WDR41: variants seen among roughly 807,000 people sequenced by gnomAD.
WDR41 encodes WD repeat domain 41.
Under a neutral mutation model 69.3 loss-of-function variants are expected in WDR41, and 63 were observed. That is an observed-to-expected ratio of 0.91 (90% CI 0.74 to 1.12). The LOEUF (loss-of-function observed/expected upper bound fraction) is 1.12. Ranked by LOEUF, WDR41 falls within the 50% of genes most tolerant of loss-of-function variation. The pLI is 0.00. For synonymous variants in WDR41, 185 were observed against 192.1 expected (o/e 0.96, Z 0.31); for missense variants, 543 against 534.5 (o/e 1.02, Z -0.16).
At chr5:77,436,122 T>TA in intron 12 of WDR41, 139 bp downstream of exon 12, 1 of 1,134,314 alleles carries the variant, frequency 8.8e-7, no homozygotes, top group Non-Finnish European at 1.2e-6. Flanking sequence ...CTATAGCCTA[T>TA]CCCATTCCAT....
Position 77,437,470 on chromosome 5 carries a change from G to A in WDR41, c.1005-46C>T, listed in dbSNP as rs770289086. The A allele has an allele frequency of 4.0e-6, 6 of 1,506,926 alleles. No individual in the cohort carries two copies. The East Asian group carries it at 9.0e-5, about 23-fold the overall frequency. The allele number at this position is 1,506,926 out of a possible 1,614,324, so 93.3% of individuals were successfully genotyped here. A position where few individuals can be genotyped will look rare whatever the true frequency, so the allele number is the denominator to read the frequency against. On this transcript the variant is annotated intron_variant, in intron 10 of 12. Transcript: ENST00000296679. ...TAATACAAAAAGAGCGCACCACTGA[G>A]GGCCAATGCTAAATTTGCAGTGAAA...
At chr5:77,435,454 CTG>C (rs1196548242) in intron 12 of WDR41, among the ~76,000 whole-genome samples, 1 of 152,202 alleles carries the variant, frequency 6.6e-6, no homozygotes, top group Non-Finnish European at 1.5e-5. Flanking sequence ...TCATCTCTCT[CTG>C]TAAACTCCAG....
At chr5:77,581,614 C>A (rs1327835632) in intron 1 of WDR41, among the ~76,000 whole-genome samples, 3 of 152,122 alleles carry the variant, frequency 2.0e-5, no homozygotes, top group Admixed American at 2.0e-4. Flanking sequence ...CAAAATGAAT[C>A]TCAGTAAATT....
chr5:77,474,293 G>T (rs1160703707), intron 2 of WDR41, among the ~76,000 whole-genome samples: 2 of 152,054 alleles, frequency 1.3e-5, no homozygotes, highest in Non-Finnish European at 2.9e-5. Context: ...TGTGGGGTGG[G>T]GGGAGTGGGG....
chr5:77,610,254 T>C (rs1744520097), intron 1 of WDR41, among the ~76,000 whole-genome samples: 1 of 152,120 alleles, frequency 6.6e-6, no homozygotes, highest in Non-Finnish European at 1.5e-5. Flanking sequence ...CAGGAGAACT[T>C]CCCCAATCTA....
intron 1 of WDR41, among the ~76,000 whole-genome samples, chr5:77,612,251 C>T (rs1301393994): frequency 1.3e-5 from 2 of 152,150 alleles, no homozygotes; most frequent in African/African-American, 4.8e-5. Context: ...GAAACTATTC[C>T]AATCAATAGA....
intron 1 of WDR41, among the ~76,000 whole-genome samples, chr5:77,498,862 T>G (rs140651453): frequency 2.0e-5 from 3 of 151,414 alleles, no homozygotes; most frequent in Non-Finnish European, 4.4e-5. Context: ...AAAAAACCAT[T>G]GTGACTTTTT....
intron 2 of WDR41, among the ~76,000 whole-genome samples, chr5:77,474,884 C>T (rs1800828699): frequency 6.6e-6 from 1 of 152,178 alleles, no homozygotes; most frequent in Non-Finnish European, 1.5e-5. Flanking sequence ...CGGGTGATTT[C>T]TGCATTTCCA....
intron 1 of WDR41, among the ~76,000 whole-genome samples, chr5:77,504,023 G>A (rs565271211): frequency 1.7e-3 from 258 of 151,942 alleles, no homozygotes; most frequent in Middle Eastern, 3.4e-3. Flanking sequence ...AAATGACTAA[G>A]ATCAGAGCAG....
Position 77,569,331 on chromosome 5 carries a change from T to C in WDR41, c.42+51148A>G, listed in dbSNP as rs1743690360. Among the ~76,000 whole-genome samples, 3 of 152,192 alleles carry C rather than the reference T, an allele frequency of 2.0e-5. No homozygotes were observed. The South Asian group carries it at 6.2e-4, about 31-fold the overall frequency. The stretch of plus-strand genomic sequence containing the variant: ...ATATGGGCTTTACATAGTTTAAAGA[T>C]GACACACTAAGGTCATATTATTAAG... On this transcript the variant is annotated intron_variant, in intron 1 of 5. Transcript: ENST00000509971.
At chr5:77,500,078 C>G (rs1452861131) in intron 1 of WDR41, among the ~76,000 whole-genome samples, 1 of 152,116 alleles carries the variant, frequency 6.6e-6, no homozygotes, top group Non-Finnish European at 1.5e-5. Flanking sequence ...ACACAAAAGT[C>G]TTAGCTCACA....
chr5:77,618,898 C>T (rs1425643374), intron 1 of WDR41, among the ~76,000 whole-genome samples: 2 of 152,090 alleles, frequency 1.3e-5, no homozygotes, highest in Non-Finnish European at 2.9e-5. Context: ...AATGGGATCC[C>T]ATAGAAGGTG....
chr5:77,513,820 G>T (rs1399906768), intron 1 of WDR41, among the ~76,000 whole-genome samples: 1 of 151,992 alleles, frequency 6.6e-6, no homozygotes, highest in Non-Finnish European at 1.5e-5. Flanking sequence ...CCCTCTGAAT[G>T]GTAAAAAGAA....
chr5:77,439,639 G>A (rs1484483518), intron 9 of WDR41, among the ~76,000 whole-genome samples: 2 of 152,218 alleles, frequency 1.3e-5, no homozygotes, highest in Non-Finnish European at 2.9e-5. Flanking sequence ...ACTCAATGGG[G>A]ATGCTATCCC....
chr5:77,552,661 T>A (rs1278505518), intron 1 of WDR41, among the ~76,000 whole-genome samples: 1 of 152,154 alleles, frequency 6.6e-6, no homozygotes, highest in Non-Finnish European at 1.5e-5. Context: ...ATAATTACTG[T>A]AATCAAGAGA....
At chr5:77,602,969 C>T (rs368807140) in intron 1 of WDR41, among the ~76,000 whole-genome samples, 24 of 145,990 alleles carry the variant, frequency 1.6e-4, no homozygotes, top group African/African-American at 4.9e-4. Flanking sequence ...GGTGGAGTCT[C>T]GCTCTGTGGC....
At chr5:77,518,023 G>T (rs1267467139) in intron 1 of WDR41, among the ~76,000 whole-genome samples, 1 of 152,026 alleles carries the variant, frequency 6.6e-6, no homozygotes, top group Non-Finnish European at 1.5e-5. Context: ...GAATGCAAAT[G>T]AGCTCCCTCA....
chr5:77,517,372 G>A (rs1053908626), intron 1 of WDR41, among the ~76,000 whole-genome samples: 1 of 151,934 alleles, frequency 6.6e-6, no homozygotes, highest in East Asian at 1.9e-4. Context: ...GTGACTAGCT[G>A]ATGGAAAAAC....
intron 1 of WDR41, among the ~76,000 whole-genome samples, chr5:77,521,622 C>T (rs578097347): frequency 2.0e-5 from 3 of 152,294 alleles, no homozygotes; most frequent in Admixed American, 2.0e-4. Context: ...GGACATCTTT[C>T]TATAAAGTAC....
Sources: gnomAD v4.1 joint callset for allele counts (sites outside exome capture counted in the v4.1 genomes callset) on GRCh38, gnomAD v4.1.1 for gene constraint, MANE v1.5 for transcripts, NCBI Gene and HGNC (gene_info 2026-07-23, HGNC 2026-07-21) for gene names.